The following AMPD3 variants were observed in gnomAD, a reference collection of about 807,000 sequenced individuals.
The protein encoded by AMPD3 is adenosine monophosphate deaminase 3.
In AMPD3, 57 loss-of-function variants were observed where a neutral mutation model predicts 82.3. The ratio of observed to expected loss-of-function variants is 0.69; its 90% CI spans 0.56 to 0.86. The LOEUF is 0.86. Among genes scored for constraint, AMPD3 ranks in the 40% least tolerant of loss-of-function variants. The probability of loss-of-function intolerance (pLI) is 0.00; values close to 1 mark genes in which losing one functional copy is unlikely to be tolerated. For synonymous variants in AMPD3, 381 were observed against 394.7 expected (o/e 0.97, Z 0.41); for missense variants, 870 against 1,003.8 (o/e 0.87, Z 1.80).
Position 10,455,377 on chromosome 11 carries a change from C to T in AMPD3, c.-77C>T. ...GTGGGTCACTTGAGGCAGGCTCCAC[C>T]TTCCCCAGGAGGAGTGGCAGAGTCC... On this transcript the variant is annotated 5_prime_UTR_variant, in exon 1 of 15. Coordinates refer to ENST00000396553, the MANE Select transcript of AMPD3 (RefSeq NM_001025389.2). 1.0e-6 allele frequency: 1 copy of T among 985,442 alleles called. No individual in the cohort carries two copies. The highest frequency in any genetic ancestry group is 1.2e-6 in the Non-Finnish European group (1 of 829,998). 61.0% of individuals were successfully genotyped at this position (985,442 alleles called of 1,614,324 possible).
intron 2 of AMPD3, among the ~76,000 whole-genome samples, chr11:10,476,572 AG>A (rs1848745618): frequency 6.6e-6 from 1 of 152,150 alleles, no homozygotes; most frequent in Admixed American, 6.5e-5. Context: ...GACCTCAGGC[AG>A]CCTTGGCTGA....
Position 10,456,047 on chromosome 11 carries a change from C to A in AMPD3, c.-6+599C>A. 9.4e-7 allele frequency: 1 copy of A among 1,059,348 alleles called. No individual in the cohort carries two copies. The highest frequency in any genetic ancestry group is 1.1e-6 in the Non-Finnish European group (1 of 876,908). 65.6% of individuals were successfully genotyped at this position (1,059,348 alleles called of 1,614,324 possible). On this transcript the variant is annotated intron_variant, in intron 1 of 14. Transcript: ENST00000396553. The surrounding 1 kb of genome is among the most constrained non-coding windows in gnomAD (Gnocchi z 4.3). ...GAGTTTACTGTTGTAAAGAGGAAGC[C>A]GCCGCTTTAGTTTCCTCTTGTGAGG...
intron 6 of AMPD3, chr11:10,488,476 G>A (rs2133906631): frequency 1.2e-6 from 1 of 814,896 alleles, no homozygotes; most frequent in Non-Finnish European, 1.4e-6. Flanking sequence ...TGAGAGAGTC[G>A]AGAGAGTCAG....
intron 6 of AMPD3, chr11:10,488,452 A>G: frequency 2.1e-6 from 2 of 956,094 alleles, no homozygotes; most frequent in Non-Finnish European, 2.4e-6. Flanking sequence ...AAATGTCAGG[A>G]GGGAGGGATG....
At chr11:10,461,803 T>C in intron 2 of AMPD3, 63 bp downstream of exon 2, 2 of 1,505,798 alleles carry the variant, frequency 1.3e-6, no homozygotes, top group Non-Finnish European at 1.8e-6. Flanking sequence ...AGGCTGTGGG[T>C]GTGTGTCCTG....
At chr11:10,470,754 G>A (rs1848565084) in intron 2 of AMPD3, among the ~76,000 whole-genome samples, 2 of 152,264 alleles carry the variant, frequency 1.3e-5, no homozygotes, top group South Asian at 4.2e-4. Context: ...CAACTTACAA[G>A]GGATGTGAAG....
At chr11:10,497,768 GA>G (rs969067372) in intron 10 of AMPD3, 184 of 985,142 alleles carry the variant, frequency 1.9e-4, no homozygotes, top group Middle Eastern at 1.6e-3. Flanking sequence ...CTGGAGACAG[GA>G]GGGGAGCTTG....
chr11:10,458,254 TAAAAAAAAAAA>T (rs374036957), intron 1 of AMPD3, among the ~76,000 whole-genome samples: 1 of 91,462 alleles, frequency 1.1e-5, no homozygotes, highest in Admixed American at 1.2e-4. Context: ...ACCTCATCTC[TAAAAAAAAAAA>T]AAAAAAAAAA....
At chr11:10,470,568 A>G (rs1362255850) in intron 2 of AMPD3, among the ~76,000 whole-genome samples, 7 of 152,196 alleles carry the variant, frequency 4.6e-5, no homozygotes, top group Non-Finnish European at 8.8e-5. Context: ...AGAAAACCCC[A>G]CCATCTCAGC....
rs747189842 is a variant in AMPD3, at chr11:10,500,134, A to T, written c.1606A>T (p.Met536Leu). ...TGATGAGTCCAAGCACAGCGACCAC[A>T]TGTTTTCCGACAAGAGCCCAAACCC... ...VDDESKHSDH[M>L]FSDKSPNPDV... Residue 536 changes from methionine to leucine, a missense_variant, in exon 11 of 15, where the codon ATG (methionine) becomes TTG (leucine). Met to Leu is a conservative substitution (Grantham distance 15). Transcript: ENST00000396553. The T allele has an allele frequency of 6.2e-7, 1 of 1,614,090 alleles. No individual in the cohort carries two copies. Among genetic ancestry groups the T allele is most frequent in the Admixed American group, 1.7e-5 (1 of 60,028 alleles).
chr11:10,488,457 G>C (rs536059953), intron 6 of AMPD3: 33 of 933,374 alleles, frequency 3.5e-5, no homozygotes, highest in Non-Finnish European at 4.1e-5. Context: ...TCAGGAGGGA[G>C]GGATGGTATG....
chr11:10,481,512 T>C (rs963676397), intron 3 of AMPD3: 8 of 985,276 alleles, frequency 8.1e-6, no homozygotes, highest in Admixed American at 6.1e-5. Context: ...CTGTGTCTCC[T>C]GTGTTGGGGG....
intron 7 of AMPD3, chr11:10,494,600 A>T (rs1849336043): frequency 1.1e-5 from 11 of 985,394 alleles, no homozygotes; most frequent in Non-Finnish European, 1.2e-5. Context: ...ATGTTCTATT[A>T]TTCAGTGGTG....
intron 10 of AMPD3, among the ~76,000 whole-genome samples, chr11:10,497,372 T>TA (rs1200112068): frequency 6.6e-6 from 1 of 152,010 alleles, no homozygotes; most frequent in African/African-American, 2.4e-5. Context: ...TGTGATTAAG[T>TA]ACAAGCCCCT....
chr11:10,497,571 C>G (rs927782345), intron 10 of AMPD3: 2 of 985,242 alleles, frequency 2.0e-6, no homozygotes, highest in Non-Finnish European at 2.4e-6. Flanking sequence ...GGGAGAGGCA[C>G]AGCGGGGAGC....
intron 13 of AMPD3, chr11:10,504,216 G>T: frequency 4.1e-6 from 4 of 985,270 alleles, no homozygotes; most frequent in Non-Finnish European, 4.8e-6. Flanking sequence ...AGAAAAGCTA[G>T]AGGGCAAGTG....
chr11:10,452,501 C>T (rs1847987243), upstream of AMPD3, among the ~76,000 whole-genome samples: 1 of 152,022 alleles, frequency 6.6e-6, no homozygotes, highest in African/African-American at 2.4e-5. Context: ...CGAGAAGTAC[C>T]ATTCATAGGG....
upstream of AMPD3, among the ~76,000 whole-genome samples, chr11:10,453,887 G>A (rs1015325523): frequency 5.3e-5 from 8 of 152,216 alleles, no homozygotes; most frequent in Admixed American, 4.6e-4. Flanking sequence ...ATGCCCGGCC[G>A]ATATCTTTCT....
Position 10,494,904 on chromosome 11 carries a change from G to A in AMPD3, c.1140G>A (p.Arg380=). ...GGTGTGGTCTCCCCCCTCAGGGCCG[G>A]CAGACATTCCACCGCTTTGACAAGT... ...TVDSLDVHAG[R]QTFHRFDKFN... Residue 380 remains arginine, a synonymous_variant, in exon 8 of 15, where the codon CGG becomes CGA. Coordinates refer to ENST00000396553, the MANE Select transcript of AMPD3 (RefSeq NM_001025389.2). 1 of 1,614,054 alleles carries A rather than the reference G, an allele frequency of 6.2e-7. No individual in the cohort carries two copies. The highest frequency in any genetic ancestry group is 8.5e-7 in the Non-Finnish European group (1 of 1,179,946).
Sources: gnomAD v4.1 joint callset for allele counts (sites outside exome capture counted in the v4.1 genomes callset) on GRCh38, gnomAD v4.1.1 for gene constraint, Gnocchi (gnomAD v3.1) non-coding constraint, MANE v1.5 for transcripts, NCBI Gene and HGNC (gene_info 2026-07-23, HGNC 2026-07-21) for gene names.